Variants in NDST3 observed in about 807,000 individuals in gnomAD.
NDST3 encodes the protein bifunctional heparan sulfate N-deacetylase/N-sulfotransferase 3.
NDST3 carries 58 observed loss-of-function variants against 96.1 expected under a neutral mutation model. The ratio of observed to expected loss-of-function variants is 0.60; its 90% CI spans 0.49 to 0.75. The LOEUF (loss-of-function observed/expected upper bound fraction) is 0.75, where lower values mean the gene tolerates loss of function less well. Ranked by LOEUF, NDST3 falls within the 30% of genes least tolerant of loss-of-function variation. The probability of loss-of-function intolerance (pLI) is 0.00; values close to 1 mark genes in which losing one functional copy is unlikely to be tolerated. For missense variants in NDST3, 788 were observed against 1,034.2 expected, an observed-to-expected ratio of 0.76 and a Z score of 3.27; for synonymous variants, 333 against 359.7, an observed-to-expected ratio of 0.93 and a Z score of 0.84.
intron 6 of NDST3, among the ~76,000 whole-genome samples, chr4:118,192,614 G>C (rs1374709175): frequency 6.6e-6 from 1 of 151,966 alleles, no homozygotes; most frequent in Non-Finnish European, 1.5e-5. Flanking sequence ...TTTGTTTCTG[G>C]GTTCTCTATT....
intron 5 of NDST3, among the ~76,000 whole-genome samples, chr4:118,143,074 T>A (rs904586494): frequency 1.3e-5 from 2 of 152,166 alleles, no homozygotes; most frequent in Non-Finnish European, 2.9e-5. Flanking sequence ...TTCATTCTAA[T>A]TTAAAATGTC....
chr4:118,243,038 G>A (rs1219740006), intron 12 of NDST3, among the ~76,000 whole-genome samples: 1 of 151,696 alleles, frequency 6.6e-6, no homozygotes, highest in African/African-American at 2.4e-5. Flanking sequence ...TAGAGCAACT[G>A]GAAGATACTG....
intron 6 of NDST3, among the ~76,000 whole-genome samples, chr4:118,219,139 A>G (rs1739379971): frequency 6.6e-6 from 1 of 152,168 alleles, no homozygotes; most frequent in South Asian, 2.1e-4. Flanking sequence ...ATTCAATGCT[A>G]TTCCCTTCAA....
chr4:118,244,297 A>G (rs186616488), intron 12 of NDST3, among the ~76,000 whole-genome samples: 48 of 152,308 alleles, frequency 3.2e-4, no homozygotes, highest in African/African-American at 1.2e-3. Context: ...AGTTACTCCT[A>G]TTAGAGTAAC....
intron 2 of NDST3, among the ~76,000 whole-genome samples, chr4:118,081,214 A>G (rs548500083): frequency 6.6e-6 from 1 of 152,332 alleles, no homozygotes; most frequent in East Asian, 1.9e-4. Flanking sequence ...GAAGAACCCT[A>G]AAGTTCGAGA....
upstream of NDST3, chr4:118,033,697 G>C (rs1468530996): frequency 1.3e-5 from 2 of 151,878 alleles, no homozygotes; most frequent in Non-Finnish European, 2.9e-5. Context: ...CACCCGCTGC[G>C]CTCGCCCCGC....
At chr4:118,100,091 T>C (rs1036888063) in intron 2 of NDST3, among the ~76,000 whole-genome samples, 4 of 152,026 alleles carry the variant, frequency 2.6e-5, no homozygotes, top group Admixed American at 2.0e-4. Context: ...TTGAGGTGTG[T>C]CCGTGGGAGT....
chr4:118,205,777 C>T (rs1326070394), intron 6 of NDST3, among the ~76,000 whole-genome samples: 1 of 141,650 alleles, frequency 7.1e-6, no homozygotes, highest in Non-Finnish European at 1.5e-5. Context: ...CCATAAGGTT[C>T]TTCTTATAGG....
At chr4:118,115,972 A>C (rs1357304981) in intron 4 of NDST3, among the ~76,000 whole-genome samples, 3 of 152,204 alleles carry the variant, frequency 2.0e-5, no homozygotes, top group Non-Finnish European at 4.4e-5. Flanking sequence ...TTTGTCAAGA[A>C]AGCAAGAATA....
At chr4:118,066,226 A>T (rs1313959637) in intron 2 of NDST3, among the ~76,000 whole-genome samples, 1 of 66,084 alleles carries the variant, frequency 1.5e-5, no homozygotes, top group Admixed American at 2.9e-4. Flanking sequence ...ATAATATATT[A>T]TATATATTAT....
chr4:118,123,539 G>C (rs1227104039), intron 4 of NDST3, among the ~76,000 whole-genome samples: 1 of 152,034 alleles, frequency 6.6e-6, no homozygotes, highest in Admixed American at 6.6e-5. Context: ...AAAAAGTAAG[G>C]CTTCATACAT....
At chr4:118,182,328 T>C (rs1273155203) in intron 6 of NDST3, among the ~76,000 whole-genome samples, 1 of 152,138 alleles carries the variant, frequency 6.6e-6, no homozygotes, top group Non-Finnish European at 1.5e-5. Context: ...AAAGGCACAA[T>C]TCAAACATTT....
At chr4:118,154,845 T>C (rs2125918880) in intron 6 of NDST3, among the ~76,000 whole-genome samples, 1 of 152,282 alleles carries the variant, frequency 6.6e-6, no homozygotes, top group African/African-American at 2.4e-5. Flanking sequence ...GTGATGTACA[T>C]TCCTTCTTAA....
chr4:118,165,505 T>C (rs1461096960), intron 6 of NDST3, among the ~76,000 whole-genome samples: 1 of 151,958 alleles, frequency 6.6e-6, no homozygotes, highest in African/African-American at 2.4e-5. Flanking sequence ...CTTTCAACAA[T>C]AGAACACTTA....
chr4:118,238,448 G>T (rs557637368), intron 10 of NDST3, among the ~76,000 whole-genome samples: 1 of 152,024 alleles, frequency 6.6e-6, no homozygotes, highest in South Asian at 2.1e-4. Flanking sequence ...AACTTGTTTC[G>T]GTGATAATTT....
intron 6 of NDST3, among the ~76,000 whole-genome samples, chr4:118,193,166 G>C (rs188786447): frequency 2.0e-5 from 3 of 152,250 alleles, no homozygotes; most frequent in Admixed American, 1.3e-4. Context: ...AGCATGTATG[G>C]ATGGACATAT....
rs182837773 is a variant in NDST3, at chr4:118,168,542, C to T, written c.1539+24858C>T. On this transcript the variant is annotated intron_variant, in intron 6 of 13. Coordinates refer to ENST00000296499, the MANE Select transcript of NDST3 (RefSeq NM_004784.3). ...CAGTTGGTAAGAATGTAAAATGGTA[C>T]GGCTGCTATGGAAAACTATGGAGGT... is the stretch of plus-strand genomic sequence containing the variant. Among the ~76,000 whole-genome samples the T allele has an allele frequency of 3.6e-4, 54 of 149,370 alleles. 1 individual carries two copies. The highest frequency in any genetic ancestry group is 1.4e-3 in the East Asian group (7 of 5,174).
At chr4:118,041,947 C>T (rs1239457037) in intron 1 of NDST3, among the ~76,000 whole-genome samples, 1 of 152,136 alleles carries the variant, frequency 6.6e-6, no homozygotes, top group African/African-American at 2.4e-5. Context: ...ATGATAAAGT[C>T]TCCAAAGGGA....
At position 118,257,535 on chromosome 4, in the gene NDST3, A is replaced by G. The variant is rs922874536; in HGVS notation, c.*1823A>G. ...GCCTTTATAAAATATTATCAAAGGT[A>G]TGATTAGAAACAAATGGGAGGAAAA... On this transcript the variant is annotated 3_prime_UTR_variant, in exon 14 of 14. Coordinates refer to ENST00000296499, the MANE Select transcript of NDST3 (RefSeq NM_004784.3). 1 of 152,210 alleles carries G rather than the reference A, an allele frequency of 6.6e-6. No individual in the cohort carries two copies. The highest frequency in any genetic ancestry group is 2.4e-5 in the African/African-American group (1 of 41,444). 9.4% of individuals were successfully genotyped at this position (152,210 alleles called of 1,614,324 possible).
Sources: gnomAD v4.1 joint callset for allele counts (sites outside exome capture counted in the v4.1 genomes callset) on GRCh38, gnomAD v4.1.1 for gene constraint, MANE v1.5 for transcripts, NCBI Gene and HGNC (gene_info 2026-07-23, HGNC 2026-07-21) for gene names.